The following AHCTF1 variants were observed in gnomAD, a reference collection of about 807,000 sequenced individuals.
The protein encoded by AHCTF1 is AT-hook containing transcription factor 1.
In AHCTF1, 24 loss-of-function variants were observed where a neutral mutation model predicts 248.4. The ratio of observed to expected loss-of-function variants is 0.10; its 90% CI spans 0.07 to 0.14. The LOEUF (loss-of-function observed/expected upper bound fraction) is 0.14, where lower values mean the gene tolerates loss of function less well. Among genes scored for constraint, AHCTF1 ranks in the 10% least tolerant of loss-of-function variants. The probability of loss-of-function intolerance (pLI) is 1.00; values close to 1 mark genes in which losing one functional copy is unlikely to be tolerated. For synonymous variants in AHCTF1, 786 were observed against 929.8 expected, an observed-to-expected ratio of 0.85 and a Z score of 2.81; for missense variants, 2,206 against 2,636.2, an observed-to-expected ratio of 0.84 and a Z score of 3.57.
intron 2 of AHCTF1, among the ~76,000 whole-genome samples, chr1:246,917,137 A>C (rs976851866): frequency 5.3e-5 from 8 of 152,214 alleles, no homozygotes; most frequent in Non-Finnish European, 2.9e-5. Flanking sequence ...AGAATGGACA[A>C]GGAGAAGCAC....
chr1:246,923,657 A>G (rs1042489257), intron 1 of AHCTF1, among the ~76,000 whole-genome samples: 7 of 152,192 alleles, frequency 4.6e-5, no homozygotes, highest in African/African-American at 1.7e-4. Flanking sequence ...GACATTACAC[A>G]CGGCTAGAGT....
intron 35 of AHCTF1, among the ~76,000 whole-genome samples, chr1:246,841,471 CAT>C (rs1245850277): frequency 2.0e-5 from 3 of 152,148 alleles, no homozygotes; most frequent in Non-Finnish European, 2.9e-5. Flanking sequence ...TGGTATTAGC[CAT>C]AGTGTCTTAA....
intron 4 of AHCTF1, among the ~76,000 whole-genome samples, chr1:246,912,705 C>A (rs569958040): frequency 3.9e-5 from 6 of 152,208 alleles, no homozygotes; most frequent in South Asian, 2.1e-4. Flanking sequence ...ATTTCATTTT[C>A]TTTGAATCTG....
chr1:246,918,571 C>T (rs1440037899), intron 1 of AHCTF1, among the ~76,000 whole-genome samples, 194 bp from the exon 2 acceptor site: 2 of 152,338 alleles, frequency 1.3e-5, no homozygotes, highest in Non-Finnish European at 2.9e-5. Flanking sequence ...CTGAGGCAGG[C>T]GGATGAACTG....
Position 246,850,205 on chromosome 1 carries a change from T to A in AHCTF1, c.5801A>T (p.His1934Leu). 6.2e-7 allele frequency: 1 copy of A among 1,613,942 alleles called. No individual in the cohort carries two copies. The highest frequency in any genetic ancestry group is 8.5e-7 in the Non-Finnish European group (1 of 1,179,846). ...TTCTCTCCCTCTGACCCTTCTAACA[T>A]GTTTAATACGCAGCTGCTTGTCACT... is the stretch of plus-strand genomic sequence containing the variant. ...KSSDKQLRIK[H>L]VRRVRGREVS... The change falls in exon 33 of 36, where the codon CAT (histidine) becomes CTT (leucine). Residue 1934 changes from histidine to leucine, a missense_variant. His to Leu is a moderately conservative substitution (Grantham distance 99, BLOSUM62 -3). Around this residue, in one of 6 missense-constraint regions of AHCTF1, gnomAD observed 469 missense variants for 470.0 expected, o/e 1.00. Transcript: ENST00000648844.
chr1:246,919,415 T>C (rs902413900), intron 1 of AHCTF1, among the ~76,000 whole-genome samples: 3 of 152,196 alleles, frequency 2.0e-5, no homozygotes, highest in Non-Finnish European at 2.9e-5. Flanking sequence ...AGCTAGGTTA[T>C]ATGGAAATCC....
intron 30 of AHCTF1, among the ~76,000 whole-genome samples, chr1:246,856,519 A>G (rs1313922488): frequency 6.6e-6 from 1 of 152,230 alleles, no homozygotes; most frequent in Non-Finnish European, 1.5e-5. Flanking sequence ...TAGCCAAGAT[A>G]GTGAATATGC....
At chr1:246,900,548 T>C (rs1474332811) in intron 8 of AHCTF1, 79 bp from the exon 9 acceptor site, 1 of 1,432,178 alleles carries the variant, frequency 7.0e-7, no homozygotes, top group Non-Finnish European at 9.4e-7. Context: ...ATAGCAAGAT[T>C]TTCTCATAAA....
chr1:246,859,025 A>T (rs773523556), intron 29 of AHCTF1, among the ~76,000 whole-genome samples: 5 of 152,122 alleles, frequency 3.3e-5, no homozygotes, highest in Non-Finnish European at 5.9e-5. Flanking sequence ...GAGCTGAAAT[A>T]GCCCCACTGT....
intron 4 of AHCTF1, among the ~76,000 whole-genome samples, chr1:246,908,720 T>C (rs1420887582): frequency 3.1e-5 from 4 of 129,920 alleles, no homozygotes; most frequent in African/African-American, 6.1e-5. Context: ...ACCCAGTCTC[T>C]ACTAAAAAAA....
intron 3 of AHCTF1, among the ~76,000 whole-genome samples, chr1:246,913,659 C>T (rs749273645): frequency 1.1e-4 from 16 of 152,170 alleles, no homozygotes; most frequent in African/African-American, 2.7e-4. Flanking sequence ...CTTACTGATA[C>T]GCCAGGCATT....
In AHCTF1 at chr1:246,877,259, T is replaced by A; in HGVS notation, c.2704A>T (p.Arg902Trp). 6.2e-7 allele frequency: 1 copy of A among 1,606,872 alleles called. No homozygotes were observed. The highest frequency in any genetic ancestry group is 8.5e-7 in the Non-Finnish European group (1 of 1,177,816). ...TTCAGTAACTCCTCTATATTCAACC[T>A]ATTGCAATGTTGCCGCAAAAAATTC... ...AWNFLRQHCN[R>W]LNIEELLKHM... The change falls in exon 22 of 36, where the codon AGG becomes TGG. Residue 902 changes from arginine (R) to tryptophan (W), a missense_variant. Arg to Trp is a moderately radical substitution (Grantham distance 101). Transcript: ENST00000648844.
chr1:246,857,089 T>C (rs1661163245), intron 30 of AHCTF1, among the ~76,000 whole-genome samples: 2 of 152,200 alleles, frequency 1.3e-5, no homozygotes, highest in Non-Finnish European at 2.9e-5. Context: ...TCATACTGAT[T>C]AGTACAGCTG....
intron 31 of AHCTF1, among the ~76,000 whole-genome samples, chr1:246,855,361 G>A (rs1263633382): frequency 6.6e-6 from 1 of 152,148 alleles, no homozygotes; most frequent in African/African-American, 2.4e-5. Flanking sequence ...TTTCCCTGGA[G>A]AATATTCAGT....
intron 1 of AHCTF1, among the ~76,000 whole-genome samples, chr1:246,929,708 G>C (rs1667190476): frequency 6.6e-6 from 1 of 152,236 alleles, no homozygotes; most frequent in Non-Finnish European, 1.5e-5. Flanking sequence ...AAAAGTCCCT[G>C]AAAATATTAA....
At chr1:246,874,354 C>T (rs1056411817) in intron 24 of AHCTF1, among the ~76,000 whole-genome samples, 2 of 152,108 alleles carry the variant, frequency 1.3e-5, no homozygotes, top group Non-Finnish European at 2.9e-5. Flanking sequence ...GCATGTATTC[C>T]TCTACATGCC....
chr1:246,846,291 C>A (rs889046510), intron 33 of AHCTF1, among the ~76,000 whole-genome samples: 1 of 151,526 alleles, frequency 6.6e-6, no homozygotes, highest in African/African-American at 2.4e-5. Context: ...CACCTGCATC[C>A]CTATGTAAAA....
intron 4 of AHCTF1, among the ~76,000 whole-genome samples, chr1:246,909,281 G>T (rs1284010166): frequency 1.3e-5 from 2 of 149,054 alleles, no homozygotes; most frequent in African/African-American, 4.9e-5. Flanking sequence ...GCCGCACATG[G>T]TGGTGTGCAA....
chr1:246,842,853 TACTAG>T, intron 34 of AHCTF1, 77 bp from the exon 35 acceptor site: 1 of 1,303,072 alleles, frequency 7.7e-7, no homozygotes, highest in Non-Finnish European at 1.1e-6. Context: ...AGACAAGGAA[TACTAG>T]AGCCAAACAC....
Sources: gnomAD v4.1 joint callset for allele counts (sites outside exome capture counted in the v4.1 genomes callset) on GRCh38, gnomAD v4.1.1 for gene constraint, gnomAD v4.1.1 regional missense constraint, MANE v1.5 for transcripts, NCBI Gene and HGNC (gene_info 2026-07-23, HGNC 2026-07-21) for gene names.